MARCHF5: variants seen among roughly 807,000 people sequenced by gnomAD.
The protein encoded by MARCHF5 is E3 ubiquitin-protein ligase MARCHF5.
Under a neutral mutation model 36.5 loss-of-function variants are expected in MARCHF5, and 5 were observed. The observed-to-expected ratio is 0.14, with a 90% CI of 0.07 to 0.29. The LOEUF (loss-of-function observed/expected upper bound fraction) is 0.29. MARCHF5 is among the 10% of genes least tolerant of loss of function. The pLI is 1.00. For synonymous variants in MARCHF5, 103 were observed against 109.9 expected, an observed-to-expected ratio of 0.94 and a Z score of 0.39; for missense variants, 179 against 336.3, an observed-to-expected ratio of 0.53 and a Z score of 3.66.
intron 2 of MARCHF5, among the ~76,000 whole-genome samples, chr10:92,339,568 G>A (rs1354161185): frequency 6.6e-6 from 1 of 152,134 alleles, no homozygotes. Flanking sequence ...TACTCAGGAC[G>A]CTGAGGCAGG....
At chr10:92,319,631 G>C (rs1175853746) in intron 2 of MARCHF5, among the ~76,000 whole-genome samples, 1 of 143,390 alleles carries the variant, frequency 7.0e-6, no homozygotes, top group African/African-American at 2.7e-5. Flanking sequence ...AAAAAATTTT[G>C]TGTGTTTGTT....
intron 2 of MARCHF5, among the ~76,000 whole-genome samples, chr10:92,313,199 A>C (rs1394131474): frequency 2.0e-5 from 3 of 152,328 alleles, no homozygotes; most frequent in Admixed American, 2.0e-4. Flanking sequence ...GTGCCACTGC[A>C]CACAAGCCTG....
At chr10:92,296,614 T>A (rs1483246249) in intron 1 of MARCHF5, among the ~76,000 whole-genome samples, 1 of 152,204 alleles carries the variant, frequency 6.6e-6, no homozygotes, top group East Asian at 1.9e-4. Context: ...GGAAACTACT[T>A]CTGCTTCCCC....
chr10:92,333,671 C>T (rs1433761287), intron 2 of MARCHF5: 1 of 984,840 alleles, frequency 1.0e-6, no homozygotes. Flanking sequence ...CCTCATGGGA[C>T]ATGGACAGGG....
At chr10:92,296,646 T>G (rs1842951867) in intron 1 of MARCHF5, among the ~76,000 whole-genome samples, 1 of 152,162 alleles carries the variant, frequency 6.6e-6, no homozygotes, top group Admixed American at 6.5e-5. Flanking sequence ...AAACACGCAT[T>G]AATTTGTTGA....
intron 3 of MARCHF5, among the ~76,000 whole-genome samples, chr10:92,341,736 G>A (rs928702603): frequency 1.4e-4 from 19 of 140,294 alleles, no homozygotes; most frequent in East Asian, 1.0e-3. Context: ...CTCCGTCATC[G>A]TTCCTTTGTT....
chr10:92,353,301 A>G lies in MARCHF5; in HGVS notation c.*2094A>G, dbSNP rs1423245756. ...ACCTGCCTGACCATGAAGCAACAAA[A>G]GAGCATAGGCAGACTTAAAGTTGGA... On this transcript the variant is annotated 3_prime_UTR_variant, in exon 6 of 6. Coordinates refer to ENST00000358935, the MANE Select transcript of MARCHF5 (RefSeq NM_017824.5). 6.6e-6 allele frequency: 1 copy of G among 152,252 alleles called. No individual in the cohort carries two copies. The highest frequency in any genetic ancestry group is 2.4e-5 in the African/African-American group (1 of 41,464). The allele number at this position is 152,252 out of a possible 1,614,324, so 9.4% of individuals were successfully genotyped here. A position where few individuals can be genotyped will look rare whatever the true frequency, so the allele number is the denominator to read the frequency against.
intron 2 of MARCHF5, among the ~76,000 whole-genome samples, chr10:92,331,911 A>C (rs1467805682): frequency 6.8e-6 from 1 of 146,178 alleles, no homozygotes; most frequent in Non-Finnish European, 1.5e-5. Flanking sequence ...ATATATATGT[A>C]TATATAATCA....
intron 3 of MARCHF5, among the ~76,000 whole-genome samples, chr10:92,345,697 C>CTTTTTTTTTTTTTTTTTTT (rs34971275): frequency 8.1e-6 from 1 of 123,632 alleles, no homozygotes; most frequent in Non-Finnish European, 1.7e-5. Context: ...TTTTTTTTTT[C>CTTTTTTTTTTTTTTTTTTT]TTTTTTTTTT....
chr10:92,291,722 C>CT (rs1842869666), intron 1 of MARCHF5, 193 bp downstream of exon 1: 1 of 400,246 alleles, frequency 2.5e-6, no homozygotes, highest in African/African-American at 2.2e-5. Flanking sequence ...GGGTCGTAGA[C>CT]TTTGGGTGAA....
Position 92,291,193 on chromosome 10 carries a change from G to A in MARCHF5, c.-302G>A. ...CCTCACAAAGGTAGCTCCTCCGCCG[G>A]CAGCAACTCGGCGCCCGCGGTCCAT... On this transcript the variant is annotated 5_prime_UTR_variant, in exon 1 of 6. Coordinates refer to ENST00000358935, the MANE Select transcript of MARCHF5 (RefSeq NM_017824.5). 2 of 504,138 alleles carry A rather than the reference G, an allele frequency of 4.0e-6. No individual in the cohort carries two copies. Among genetic ancestry groups the A allele is most frequent in the East Asian group, 3.7e-5 (1 of 26,728 alleles). 31.2% of individuals were successfully genotyped at this position (504,138 alleles called of 1,614,324 possible).
At chr10:92,334,472 A>G (rs1843478994) in intron 2 of MARCHF5, 1 of 152,482 alleles carries the variant, frequency 6.6e-6, no homozygotes, top group Non-Finnish European at 1.5e-5. Flanking sequence ...CTGCCAGTCC[A>G]AGTGCATTGG....
intron 1 of MARCHF5, among the ~76,000 whole-genome samples, chr10:92,292,679 AT>A (rs1842896825): frequency 6.6e-6 from 1 of 152,172 alleles, no homozygotes; most frequent in Non-Finnish European, 1.5e-5. Context: ...ATAACTGGTG[AT>A]TCATCCAGCC....
intron 1 of MARCHF5, among the ~76,000 whole-genome samples, chr10:92,304,903 A>T (rs1214955672): frequency 6.6e-6 from 1 of 152,174 alleles, no homozygotes; most frequent in Non-Finnish European, 1.5e-5. Context: ...AGGGGTTTGA[A>T]CCCAGACAAT....
chr10:92,330,249 G>T (rs1278191538), intron 2 of MARCHF5, among the ~76,000 whole-genome samples: 1 of 152,136 alleles, frequency 6.6e-6, no homozygotes, highest in Non-Finnish European at 1.5e-5. Flanking sequence ...ATCATGTTTG[G>T]TCTTGCTCCC....
At chr10:92,340,581 G>A (rs2135214383) in intron 2 of MARCHF5, 92 bp from the exon 3 acceptor site, 2 of 1,203,382 alleles carry the variant, frequency 1.7e-6, no homozygotes, top group South Asian at 1.6e-5. Flanking sequence ...CTTGTTGGGG[G>A]GAAGGTATTT....
chr10:92,315,807 A>G (rs1359204255), intron 2 of MARCHF5, among the ~76,000 whole-genome samples: 2 of 152,236 alleles, frequency 1.3e-5, no homozygotes, highest in African/African-American at 2.4e-5. Context: ...AACAACTCAC[A>G]TGATGTGGAA....
chr10:92,309,531 T>C (rs947551036), intron 1 of MARCHF5, among the ~76,000 whole-genome samples: 4 of 152,228 alleles, frequency 2.6e-5, no homozygotes, highest in Non-Finnish European at 4.4e-5. Flanking sequence ...AGTCTCTAAA[T>C]ATTCTGCCAG....
chr10:92,309,455 A>G (rs1843120250), intron 1 of MARCHF5, among the ~76,000 whole-genome samples: 2 of 152,218 alleles, frequency 1.3e-5, no homozygotes, highest in African/African-American at 4.8e-5. Context: ...TCACCATAAT[A>G]CTGATTAATT....
Sources: allele counts gnomAD v4.1 joint callset (sites outside exome capture counted in the v4.1 genomes callset), GRCh38; gene constraint gnomAD v4.1.1; transcripts MANE v1.5; gene names NCBI Gene and HGNC (gene_info 2026-07-23, HGNC 2026-07-21).